Variants in SUDS3 observed in about 807,000 individuals in gnomAD.
The protein encoded by SUDS3 is sin3 histone deacetylase corepressor complex component SDS3.
A neutral mutation model predicts 53.5 loss-of-function variants in SUDS3; 23 were observed. That is an observed-to-expected ratio of 0.43 (90% CI 0.31 to 0.61). SUDS3 has a LOEUF of 0.61. Among genes scored for constraint, SUDS3 ranks in the 20% least tolerant of loss-of-function variants. The pLI is 0.10. For missense variants in SUDS3, 291 were observed against 405.9 expected (o/e 0.72, Z 2.43); for synonymous variants, 150 against 148.5 (o/e 1.01, Z -0.08).
Position 118,403,261 on chromosome 12 carries a change from A to G in SUDS3, c.698-151A>G, listed in dbSNP as rs2046279933. ...TGATCAAGTTTAGATGGAATATACA[A>G]GAGTTTTGCTGAAATCCCATGCATT... On this transcript the variant is annotated intron_variant, in intron 9 of 11. Transcript: ENST00000543473. 10 of 671,214 alleles carry G rather than the reference A, an allele frequency of 1.5e-5. No individual in the cohort carries two copies. In the South Asian group the frequency reaches 1.8e-4, roughly 12 times the overall value. The allele number at this position is 671,214 out of a possible 1,614,324, so 41.6% of individuals were successfully genotyped here. A position where few individuals can be genotyped will look rare whatever the true frequency, so the allele number is the denominator to read the frequency against.
intron 10 of SUDS3, among the ~76,000 whole-genome samples, chr12:118,406,530 G>A (rs1206389991): frequency 3.3e-5 from 5 of 152,000 alleles, no homozygotes; most frequent in South Asian, 2.1e-4. Flanking sequence ...AGTTTTGTTC[G>A]GTTTAATAGT....
chr12:118,403,449 C>G lies in SUDS3; in HGVS notation c.735C>G (p.Pro245=). 1 of 1,613,736 alleles carries G rather than the reference C, an allele frequency of 6.2e-7. No homozygotes were observed. Among genetic ancestry groups the G allele is most frequent in the Non-Finnish European group, 8.5e-7 (1 of 1,179,822 alleles). ...PSSPEHLPAT[P]AESPAQRFEA... ...CTCCTGAGCACTTGCCTGCAACACC[C>G]GCGGAATCTCCAGCCCAGAGGTTCG... Residue 245 remains proline (P), a synonymous_variant, in exon 10 of 12, where the codon CCC becomes CCG. Coordinates refer to ENST00000543473, the MANE Select transcript of SUDS3 (RefSeq NM_022491.3).
chr12:118,394,353 G>A (rs1478783116), intron 6 of SUDS3, among the ~76,000 whole-genome samples: 1 of 152,132 alleles, frequency 6.6e-6, no homozygotes, highest in South Asian at 2.1e-4. Flanking sequence ...TGGGGGTATC[G>A]CTTCTGATTT....
intron 3 of SUDS3, 40 bp downstream of exon 3, chr12:118,384,107 C>G: frequency 3.2e-6 from 5 of 1,584,152 alleles, no homozygotes; most frequent in Non-Finnish European, 3.5e-6. Flanking sequence ...AAATATGCTT[C>G]TTAATATTAC....
intron 10 of SUDS3, among the ~76,000 whole-genome samples, chr12:118,410,068 C>CCTA (rs2046344784): frequency 6.6e-6 from 1 of 152,222 alleles, no homozygotes. Flanking sequence ...TGGAACTTTG[C>CCTA]CTGATTAGCT....
intron 6 of SUDS3, among the ~76,000 whole-genome samples, chr12:118,393,450 T>C (rs1009658788): frequency 3.3e-5 from 5 of 152,146 alleles, no homozygotes; most frequent in African/African-American, 1.2e-4. Flanking sequence ...TCCATAGGAA[T>C]TGGCAGGATG....
chr12:118,401,784 T>C lies in SUDS3; in HGVS notation c.639T>C (p.Asp213=). ...APAQLNYLLT[D]EQIMEDLRTL... ...CCCAGCTAAACTATTTGTTAACAGA[T>C]GAACAGATCATGGAGGATCTGAGAA... Residue 213 remains aspartate (D), a synonymous_variant, in exon 8 of 12, where the codon GAT becomes GAC. Transcript: ENST00000543473. 6.2e-7 allele frequency: 1 copy of C among 1,613,914 alleles called. No individual in the cohort carries two copies. The highest frequency in any genetic ancestry group is 8.5e-7 in the Non-Finnish European group (1 of 1,179,800).
At chr12:118,390,950 G>A (rs492939) in intron 5 of SUDS3, 176 bp from the exon 6 acceptor site, 344,071 of 752,752 alleles carry the variant, frequency 0.46, 80,858 homozygotes, top group Admixed American at 0.55. Context: ...CAAAAGTCAC[G>A]TGGGTCTGAT....
intron 10 of SUDS3, among the ~76,000 whole-genome samples, chr12:118,406,775 AT>A (rs1019299543): frequency 1.4e-4 from 21 of 151,838 alleles, no homozygotes; most frequent in Admixed American, 2.6e-4. Flanking sequence ...ATCTAAACAT[AT>A]TTTTAAATTT....
At position 118,414,608 on chromosome 12, in the gene SUDS3, C is replaced by G; in HGVS notation, c.*175C>G. On this transcript the variant is annotated 3_prime_UTR_variant, in exon 12 of 12. Transcript: ENST00000543473. ...CACTTTTGTGGCCGGATGCTTCCAACTTTGTCAGTCTTTTCTGCCTCAACT... is the reference window on the plus strand; with the variant it reads ...CACTTTTGTGGCCGGATGCTTCCAAGTTTGTCAGTCTTTTCTGCCTCAACT... 2.0e-6 allele frequency: 1 copy of G among 492,468 alleles called. No individual in the cohort carries two copies. 30.5% of individuals were successfully genotyped at this position (492,468 alleles called of 1,614,324 possible).
chr12:118,380,011 T>C (rs2046041415), intron 1 of SUDS3, 151 bp from the exon 2 acceptor site: 1 of 651,278 alleles, frequency 1.5e-6, no homozygotes, highest in Admixed American at 2.7e-5. Flanking sequence ...CTACTAACTG[T>C]ATGTAATGTT....
At position 118,376,599 on chromosome 12, in the gene SUDS3, G is replaced by A. The variant is rs1332177508; in HGVS notation, c.-93G>A. Reference sequence around the variant, plus strand: ...CCGTGGCTGCCGGTCCTCGAGTTGGGGGCTGCCGCGGACACTGCTAGGCAG... The same window carrying A: ...CCGTGGCTGCCGGTCCTCGAGTTGGAGGCTGCCGCGGACACTGCTAGGCAG... On this transcript the variant is annotated 5_prime_UTR_variant, in exon 1 of 12. Transcript: ENST00000543473. The A allele has an allele frequency of 1.1e-5, 14 of 1,255,812 alleles. No homozygotes were observed. Among genetic ancestry groups the A allele is most frequent in the Non-Finnish European group, 1.3e-5 (13 of 998,522 alleles). 77.8% of individuals were successfully genotyped at this position (1,255,812 alleles called of 1,614,324 possible). A position where few individuals can be genotyped will look rare whatever the true frequency, so the allele number is the denominator to read the frequency against.
Position 118,417,973 on chromosome 12 carries a change from CAAGTG to C in SUDS3, c.*3543_*3547del, listed in dbSNP as rs1336444574. On this transcript the variant is annotated 3_prime_UTR_variant, in exon 12 of 12. Transcript: ENST00000543473. ...GTTGCAGATAAAAGTCATTAAAAAT[CAAGTG>C]AATAGAATGGATCTTGGGTGGAAAA... 1 of 152,110 alleles carries C rather than the reference CAAGTG, an allele frequency of 6.6e-6. No homozygotes were observed. The highest frequency in any genetic ancestry group is 2.4e-5 in the African/African-American group (1 of 41,432). 9.4% of individuals were successfully genotyped at this position (152,110 alleles called of 1,614,324 possible). A position where few individuals can be genotyped will look rare whatever the true frequency, so the allele number is the denominator to read the frequency against.
intron 2 of SUDS3, among the ~76,000 whole-genome samples, chr12:118,382,781 C>T (rs2046078648): frequency 6.6e-6 from 1 of 151,764 alleles, no homozygotes; most frequent in African/African-American, 2.4e-5. Context: ...TATTCTTCTG[C>T]CTCAGCCTCA....
chr12:118,414,280 G>A, intron 11 of SUDS3, 55 bp from the exon 12 acceptor site: 1 of 1,311,442 alleles, frequency 7.6e-7, no homozygotes, highest in Non-Finnish European at 1.1e-6. Context: ...TGGTGTAGGA[G>A]ATTTGCTCTT....
chr12:118,399,531 G>A (rs1281368401), intron 6 of SUDS3, among the ~76,000 whole-genome samples: 1 of 152,100 alleles, frequency 6.6e-6, no homozygotes, highest in Non-Finnish European at 1.5e-5. Flanking sequence ...AGTAACAAGA[G>A]TGATACACAA....
chr12:118,400,638 C>A (rs1379576766), intron 6 of SUDS3, 21 bp from the exon 7 acceptor site: 6 of 1,609,784 alleles, frequency 3.7e-6, no homozygotes, highest in Non-Finnish European at 5.1e-6. Flanking sequence ...GATAGATTTA[C>A]CCATTCCATT....
At chr12:118,377,217 C>T (rs914715497) in intron 1 of SUDS3, among the ~76,000 whole-genome samples, 1 of 152,006 alleles carries the variant, frequency 6.6e-6, no homozygotes, top group African/African-American at 2.4e-5. Context: ...AAAGTTGCCC[C>T]TCCCCACCCC....
At chr12:118,382,982 A>T (rs1277940948) in intron 2 of SUDS3, among the ~76,000 whole-genome samples, 1 of 152,042 alleles carries the variant, frequency 6.6e-6, no homozygotes. Context: ...TTAGTATTTG[A>T]TGATACAGAA....
Sources: allele counts gnomAD v4.1 joint callset (sites outside exome capture counted in the v4.1 genomes callset), GRCh38; gene constraint gnomAD v4.1.1; transcripts MANE v1.5; gene names NCBI Gene and HGNC (gene_info 2026-07-23, HGNC 2026-07-21).